Variants in CNTN1 observed in about 807,000 individuals in gnomAD.
The protein encoded by CNTN1 is contactin 1.
CNTN1 carries 38 observed loss-of-function variants against 126.4 expected under a neutral mutation model. The ratio of observed to expected loss-of-function variants is 0.30; its 90% CI spans 0.23 to 0.39. The LOEUF (loss-of-function observed/expected upper bound fraction) is 0.39, where lower values mean the gene tolerates loss of function less well. Among genes scored for constraint, CNTN1 ranks in the 10% least tolerant of loss-of-function variants. CNTN1 has a pLI of 1.00. For synonymous variants in CNTN1, 413 were observed against 422.6 expected, an observed-to-expected ratio of 0.98 and a Z score of 0.28; for missense variants, 1,009 against 1,248.4, an observed-to-expected ratio of 0.81 and a Z score of 2.89.
At chr12:40,711,414 G>A (rs1237934163) in intron 1 of CNTN1, among the ~76,000 whole-genome samples, 2 of 151,858 alleles carry the variant, frequency 1.3e-5, no homozygotes, top group Non-Finnish European at 2.9e-5. Flanking sequence ...TCTCCTCTTG[G>A]GTTCTGGGTT....
intron 1 of CNTN1, among the ~76,000 whole-genome samples, chr12:40,830,958 T>TACACAC (rs1221864380): frequency 2.7e-5 from 3 of 111,238 alleles, no homozygotes; most frequent in Admixed American, 9.7e-5. Flanking sequence ...TATATATATA[T>TACACAC]ATATACACAC....
At chr12:40,833,132 G>T (rs7980104) in intron 1 of CNTN1, among the ~76,000 whole-genome samples, 4 of 151,652 alleles carry the variant, frequency 2.6e-5, no homozygotes, top group South Asian at 2.1e-4. Context: ...CTCGGCTCAC[G>T]GCAACCTCCT....
At chr12:40,950,662 AC>A (rs1767120733) in intron 14 of CNTN1, among the ~76,000 whole-genome samples, 1 of 152,194 alleles carries the variant, frequency 6.6e-6, no homozygotes, top group Non-Finnish European at 1.5e-5. Flanking sequence ...TGAATATATA[AC>A]TTTTCTGATC....
intron 1 of CNTN1, among the ~76,000 whole-genome samples, chr12:40,699,359 T>G (rs1941538564): frequency 6.6e-6 from 1 of 152,186 alleles, no homozygotes; most frequent in African/African-American, 2.4e-5. Flanking sequence ...ATGTCAATCT[T>G]CACAATATTT....
intron 1 of CNTN1, among the ~76,000 whole-genome samples, chr12:40,776,425 A>T (rs1470912455): frequency 6.6e-6 from 1 of 151,366 alleles, no homozygotes; most frequent in Non-Finnish European, 1.5e-5. Context: ...CCAGGAGAGG[A>T]TTTCACTTCC....
chr12:40,700,081 A>G (rs1591985810), intron 1 of CNTN1, among the ~76,000 whole-genome samples: 1 of 152,178 alleles, frequency 6.6e-6, no homozygotes, highest in Non-Finnish European at 1.5e-5. Context: ...TTAAAGTCTT[A>G]TATTTAGTTA....
At chr12:40,818,410 A>G (rs1242124703) in intron 1 of CNTN1, among the ~76,000 whole-genome samples, 1 of 151,880 alleles carries the variant, frequency 6.6e-6, no homozygotes, top group Non-Finnish European at 1.5e-5. Context: ...GTTTTATTTC[A>G]GTAAGGTGGT....
chr12:40,942,532 G>T (rs896198999), intron 12 of CNTN1, among the ~76,000 whole-genome samples: 9 of 152,140 alleles, frequency 5.9e-5, no homozygotes, highest in Admixed American at 5.9e-4. Flanking sequence ...TCCTCCCATG[G>T]TCAGTCATTG....
At chr12:40,743,157 A>G (rs1938021525) in intron 1 of CNTN1, among the ~76,000 whole-genome samples, 1 of 152,056 alleles carries the variant, frequency 6.6e-6, no homozygotes, top group African/African-American at 2.4e-5. Context: ...CAGTTGAGGT[A>G]TTCACAAGCA....
chr12:40,836,628 G>A (rs749711610), intron 1 of CNTN1, among the ~76,000 whole-genome samples: 3 of 152,082 alleles, frequency 2.0e-5, no homozygotes, highest in Non-Finnish European at 4.4e-5. Context: ...GGACATCAAG[G>A]ATAACTTCCT....
intron 23 of CNTN1, among the ~76,000 whole-genome samples, chr12:41,032,543 C>T (rs943001389): frequency 6.6e-6 from 1 of 152,120 alleles, no homozygotes; most frequent in Non-Finnish European, 1.5e-5. Flanking sequence ...CCAGTGTTAT[C>T]CCTGCCTTGA....
intron 1 of CNTN1, among the ~76,000 whole-genome samples, chr12:40,850,519 T>A (rs567131467): frequency 4.6e-5 from 7 of 152,190 alleles, no homozygotes; most frequent in Admixed American, 2.0e-4. Context: ...AAGCCTTCCA[T>A]CTGTTCCTTT....
intron 1 of CNTN1, among the ~76,000 whole-genome samples, chr12:40,823,879 T>C (rs1387629309): frequency 1.3e-5 from 2 of 152,164 alleles, no homozygotes; most frequent in Non-Finnish European, 2.9e-5. Flanking sequence ...TATCTCACCA[T>C]ATTCTTGTAA....
At chr12:40,850,752 C>T (rs763234400) in intron 1 of CNTN1, among the ~76,000 whole-genome samples, 9 of 151,046 alleles carry the variant, frequency 6.0e-5, no homozygotes, top group Non-Finnish European at 1.2e-4. Context: ...ACCAAGTGAT[C>T]TGAGGGGTTT....
chr12:41,021,609 G>A (rs1948912566), intron 20 of CNTN1, among the ~76,000 whole-genome samples: 1 of 150,428 alleles, frequency 6.6e-6, no homozygotes, highest in African/African-American at 2.4e-5. Flanking sequence ...AAGGCTTTGA[G>A]CAGACACACC....
intron 1 of CNTN1, among the ~76,000 whole-genome samples, chr12:40,780,233 G>C (rs773634202): frequency 6.6e-6 from 1 of 151,900 alleles, no homozygotes; most frequent in Non-Finnish European, 1.5e-5. Flanking sequence ...ATCATGGGAA[G>C]CTATGTATCT....
intron 23 of CNTN1, among the ~76,000 whole-genome samples, chr12:41,062,476 A>C (rs1949955980): frequency 6.6e-6 from 1 of 152,184 alleles, no homozygotes; most frequent in South Asian, 2.1e-4. Context: ...CATTGTTGAT[A>C]ACATTTAGAC....
chr12:40,907,773 A>G (rs1009831830), intron 1 of CNTN1, among the ~76,000 whole-genome samples: 1 of 152,244 alleles, frequency 6.6e-6, no homozygotes, highest in African/African-American at 2.4e-5. Context: ...AAAAGGGATG[A>G]GGAGGAATGA....
chr12:40,840,034 C>T (rs1942213826), intron 1 of CNTN1, among the ~76,000 whole-genome samples: 1 of 152,070 alleles, frequency 6.6e-6, no homozygotes, highest in African/African-American at 2.4e-5. Flanking sequence ...AAATTCTCCA[C>T]TTAAAAGTTA....
Sources: allele counts gnomAD v4.1 joint callset (sites outside exome capture counted in the v4.1 genomes callset), GRCh38; gene constraint gnomAD v4.1.1; transcripts MANE v1.5; gene names NCBI Gene and HGNC (gene_info 2026-07-23, HGNC 2026-07-21).